Variants in ZNF536 observed in about 807,000 individuals in gnomAD.
The protein encoded by ZNF536 is zinc finger protein 536.
ZNF536 carries 13 observed loss-of-function variants against 84.5 expected under a neutral mutation model. The observed-to-expected ratio is 0.15, with a 90% confidence interval of 0.10 to 0.24. The LOEUF is 0.24. Ranked by LOEUF, ZNF536 falls within the 10% of genes least tolerant of loss-of-function variation. The pLI is 1.00. For synonymous variants in ZNF536, 811 were observed against 742.5 expected, an observed-to-expected ratio of 1.09 and a Z score of -1.50; for missense variants, 1,536 against 1,747.5, an observed-to-expected ratio of 0.88 and a Z score of 2.16.
At chr19:30,551,077 T>C (rs2045761025) in intron 4 of ZNF536, among the ~76,000 whole-genome samples, 1 of 151,826 alleles carries the variant, frequency 6.6e-6, no homozygotes, top group South Asian at 2.1e-4. Context: ...CTTTTTTTCA[T>C]TGTTGTTTTA....
At chr19:30,595,321 T>G (rs1221642588) in intron 1 of ZNF536, among the ~76,000 whole-genome samples, 1 of 152,100 alleles carries the variant, frequency 6.6e-6, no homozygotes, top group Non-Finnish European at 1.5e-5. Flanking sequence ...AGAGTCTCTC[T>G]CTCTTGCCCA....
chr19:30,456,664 A>G (rs750377509), intron 2 of ZNF536, among the ~76,000 whole-genome samples: 32 of 152,314 alleles, frequency 2.1e-4, no homozygotes, highest in Non-Finnish European at 3.8e-4. Flanking sequence ...TCAATCATTA[A>G]TTCACTTATT....
intron 3 of ZNF536, among the ~76,000 whole-genome samples, chr19:30,360,920 G>A (rs940160933): frequency 2.6e-5 from 4 of 152,194 alleles, no homozygotes; most frequent in Non-Finnish European, 5.9e-5. Flanking sequence ...GAATTAAACT[G>A]CTGTTTCCTG....
chr19:30,532,064 AGAAGCTTTATGG>A (rs962777804), intron 2 of ZNF536, among the ~76,000 whole-genome samples: 2 of 152,120 alleles, frequency 1.3e-5, no homozygotes, highest in African/African-American at 4.8e-5. Flanking sequence ...CTCCTCTGGA[AGAAGCTTTATGG>A]GAAGGTCCAG....
intron 1 of ZNF536, among the ~76,000 whole-genome samples, chr19:30,596,673 A>G (rs76205102): frequency 0.034 from 5,110 of 149,582 alleles, 289 homozygotes; most frequent in African/African-American, 0.12. Context: ...GCAAAAAGGG[A>G]AAAAAAAAAG....
At chr19:30,491,285 GAAC>G (rs1568482430) in intron 2 of ZNF536, among the ~76,000 whole-genome samples, 2 of 152,136 alleles carry the variant, frequency 1.3e-5, no homozygotes, top group Admixed American at 6.5e-5. Context: ...AGCACAAGGT[GAAC>G]AAAATAAGAC....
At chr19:30,390,149 C>T (rs1344272388) in intron 1 of ZNF536, among the ~76,000 whole-genome samples, 4 of 152,008 alleles carry the variant, frequency 2.6e-5, no homozygotes, top group Non-Finnish European at 5.9e-5. Flanking sequence ...AATCTACTTC[C>T]TAGGGGTTAG....
At chr19:30,256,428 G>A (rs1157019848) in intron 1 of ZNF536, among the ~76,000 whole-genome samples, 1 of 152,190 alleles carries the variant, frequency 6.6e-6, no homozygotes, top group Non-Finnish European at 1.5e-5. Flanking sequence ...GCAATTCGCA[G>A]AAATGCCCTT....
At chr19:30,666,119 G>A (rs370377920) in intron 1 of ZNF536, among the ~76,000 whole-genome samples, 2 of 152,190 alleles carry the variant, frequency 1.3e-5, no homozygotes, top group South Asian at 2.1e-4. Flanking sequence ...TAGACAGAAG[G>A]TGCCTATCTG....
chr19:30,441,905 C>T (rs1317843462), intron 1 of ZNF536, among the ~76,000 whole-genome samples: 1 of 152,228 alleles, frequency 6.6e-6, no homozygotes, highest in Non-Finnish European at 1.5e-5. Context: ...CCCTCCATGC[C>T]ACGCAGTCTC....
At position 30,557,284 on chromosome 19, in the gene ZNF536, T is replaced by G; in HGVS notation, c.*120T>G. The stretch of plus-strand genomic sequence containing the variant: ...GAAGAATGTATACACATATGTGTGT[T>G]GAATAATTACTATTGGCATAGGTAT... On this transcript the variant is annotated 3_prime_UTR_variant, in exon 5 of 5. Coordinates refer to ENST00000355537, the MANE Select transcript of ZNF536 (RefSeq NM_014717.3). 3.5e-6 allele frequency: 4 copies of G among 1,134,986 alleles called. No homozygotes were observed. The highest frequency in any genetic ancestry group is 4.0e-6 in the Non-Finnish European group (3 of 756,934). The allele number at this position is 1,134,986 out of a possible 1,614,324, so 70.3% of individuals were successfully genotyped here.
intron 2 of ZNF536, among the ~76,000 whole-genome samples, chr19:30,480,680 C>T (rs541111144): frequency 4.6e-5 from 7 of 152,142 alleles, no homozygotes; most frequent in Admixed American, 6.5e-5. Context: ...CAAACCTGCA[C>T]GTTCTGCACA....
chr19:30,367,574 C>T (rs1294320933), upstream of ZNF536, among the ~76,000 whole-genome samples: 2 of 152,172 alleles, frequency 1.3e-5, no homozygotes, highest in African/African-American at 4.8e-5. Flanking sequence ...CTGGAGCGAT[C>T]CCTTTGGCTT....
At chr19:30,265,690 T>C (rs1033247064) in intron 1 of ZNF536, among the ~76,000 whole-genome samples, 11 of 152,102 alleles carry the variant, frequency 7.2e-5, no homozygotes, top group African/African-American at 2.7e-4. Flanking sequence ...AGTGGAGATA[T>C]AGAAGCTGCC....
intron 1 of ZNF536, among the ~76,000 whole-genome samples, chr19:30,270,937 AT>A (rs200109658): frequency 2.0e-3 from 289 of 146,366 alleles, no homozygotes; most frequent in Middle Eastern, 3.5e-3. Context: ...GTGACATTGG[AT>A]TTTTTTTTTT....
chr19:30,656,678 T>A (rs531195298), intron 1 of ZNF536, among the ~76,000 whole-genome samples: 1 of 152,366 alleles, frequency 6.6e-6, no homozygotes, highest in East Asian at 1.9e-4. Flanking sequence ...CTACTTTGGC[T>A]GTGTCCCTGG....
intron 2 of ZNF536, among the ~76,000 whole-genome samples, chr19:30,510,132 T>C (rs576153449): frequency 6.6e-6 from 1 of 152,300 alleles, no homozygotes; most frequent in African/African-American, 2.4e-5. Context: ...TTTTTAAAGA[T>C]AGAAATTTTG....
At position 30,443,635 on chromosome 19, in the gene ZNF536, G is replaced by C. The variant is rs762711518; in HGVS notation, c.73G>C (p.Val25Leu). The C allele has an allele frequency of 6.2e-7, 1 of 1,611,592 alleles. No homozygotes were observed. The highest frequency in any genetic ancestry group is 8.5e-7 in the Non-Finnish European group (1 of 1,179,012). Residue 25 changes from valine (V) to leucine (L), a missense_variant, in exon 2 of 5, where the codon GTC (valine) becomes CTC (leucine). By Grantham distance (32) the Val-to-Leu change is conservative. Coordinates refer to ENST00000355537, the MANE Select transcript of ZNF536 (RefSeq NM_014717.3). ...AGCTGAGCCCCACCTGAGTGGCCCC[G>C]TCCTCAACGGCCAGTATGCCATGAG... ...PEAEPHLSGP[V>L]LNGQYAMSQK...
At chr19:30,386,258 G>A (rs775321828) in intron 1 of ZNF536, among the ~76,000 whole-genome samples, 1 of 152,092 alleles carries the variant, frequency 6.6e-6, no homozygotes, top group Non-Finnish European at 1.5e-5. Flanking sequence ...CAATTCTCAC[G>A]CTGCTCTGAG....
Sources: allele counts gnomAD v4.1 joint callset (sites outside exome capture counted in the v4.1 genomes callset), GRCh38; gene constraint gnomAD v4.1.1; transcripts MANE v1.5; gene names NCBI Gene and HGNC (gene_info 2026-07-23, HGNC 2026-07-21).